Variants in PAFAH2 observed in about 807,000 individuals in gnomAD.
PAFAH2 encodes platelet-activating factor acetylhydrolase 2, cytoplasmic.
PAFAH2 carries 42 observed loss-of-function variants against 49.0 expected under a neutral mutation model. The observed-to-expected ratio is 0.86, with a 90% CI of 0.67 to 1.11. The LOEUF (loss-of-function observed/expected upper bound fraction) is 1.11. PAFAH2 is among the 50% of genes least tolerant of loss of function. PAFAH2 has a pLI of 0.00. For synonymous variants in PAFAH2, 184 were observed against 181.3 expected (o/e 1.01, Z -0.12); for missense variants, 503 against 501.8 (o/e 1.00, Z -0.02).
At chr1:25,982,857 A>ACC (rs976171319) in intron 6 of PAFAH2, among the ~76,000 whole-genome samples, 2 of 151,904 alleles carry the variant, frequency 1.3e-5, no homozygotes, top group African/African-American at 4.8e-5. Context: ...CCAAGCACTT[A>ACC]CCCCCTTTCC....
chr1:25,987,237 A>AAAAATAAAATAAAATAAAAT (rs59896051), intron 4 of PAFAH2, among the ~76,000 whole-genome samples: 5 of 133,826 alleles, frequency 3.7e-5, no homozygotes, highest in African/African-American at 1.1e-4. Flanking sequence ...CTGTCTCAGA[A>AAAAATAAAATAAAATAAAAT]AAAATAAAAT....
intron 7 of PAFAH2, among the ~76,000 whole-genome samples, chr1:25,979,475 C>A (rs2049648686): frequency 6.6e-6 from 1 of 152,036 alleles, no homozygotes. Context: ...GCACATGTCA[C>A]CACGCCCAGC....
At chr1:25,994,649 A>T (rs2049915545) in intron 1 of PAFAH2, among the ~76,000 whole-genome samples, 1 of 152,184 alleles carries the variant, frequency 6.6e-6, no homozygotes, top group African/African-American at 2.4e-5. Flanking sequence ...CCACTGAGTG[A>T]ATCTGGGGAG....
intron 1 of PAFAH2, among the ~76,000 whole-genome samples, chr1:25,996,153 C>T (rs1207703394): frequency 6.6e-6 from 1 of 151,568 alleles, no homozygotes; most frequent in African/African-American, 2.4e-5. Flanking sequence ...CCCAGGAGTT[C>T]AAGACCAGCC....
intron 6 of PAFAH2, among the ~76,000 whole-genome samples, chr1:25,983,059 T>C (rs934139527): frequency 1.3e-5 from 2 of 152,032 alleles, no homozygotes; most frequent in Non-Finnish European, 2.9e-5. Flanking sequence ...TTCTCATAGG[T>C]GACAAGGCTG....
chr1:25,978,304 C>T (rs964041324), intron 7 of PAFAH2, among the ~76,000 whole-genome samples: 1 of 152,196 alleles, frequency 6.6e-6, no homozygotes, highest in Non-Finnish European at 1.5e-5. Flanking sequence ...TTGCCCGCCA[C>T]CTACCTCCAA....
At chr1:25,991,803 G>A (rs1227940242) in intron 1 of PAFAH2, among the ~76,000 whole-genome samples, 1 of 152,048 alleles carries the variant, frequency 6.6e-6, no homozygotes, top group Non-Finnish European at 1.5e-5. Flanking sequence ...TGAGGCAAGA[G>A]AATCGCTTGA....
chr1:25,985,978 A>G (rs1041631301), intron 4 of PAFAH2, among the ~76,000 whole-genome samples: 3 of 152,236 alleles, frequency 2.0e-5, no homozygotes, highest in Non-Finnish European at 4.4e-5. Flanking sequence ...TTCATTCAAT[A>G]AATACTTATG....
chr1:25,964,926 C>G (rs1182593009), intron 10 of PAFAH2, among the ~76,000 whole-genome samples: 1 of 152,086 alleles, frequency 6.6e-6, no homozygotes, highest in Admixed American at 6.5e-5. Flanking sequence ...TCCTCAAATT[C>G]ATATGGAACC....
At position 25,990,826 on chromosome 1, in the gene PAFAH2, G is replaced by A. The variant is rs766615434; in HGVS notation, c.-10C>T. On this transcript the variant is annotated 5_prime_UTR_variant, in exon 2 of 11. Transcript: ENST00000374282. ...ACTGGTTGACCCCCATTTCATCACCGGGTGAATCAAATGACTTGCCGGAGC... is the reference window on the plus strand; with the variant it reads ...ACTGGTTGACCCCCATTTCATCACCAGGTGAATCAAATGACTTGCCGGAGC... 25 of 1,611,498 alleles carry A rather than the reference G, an allele frequency of 1.6e-5. No homozygotes were observed. Among genetic ancestry groups the A allele is most frequent in the South Asian group, 3.3e-5 (3 of 90,930 alleles).
chr1:25,994,758 C>T (rs2049916894), intron 1 of PAFAH2, among the ~76,000 whole-genome samples: 1 of 152,084 alleles, frequency 6.6e-6, no homozygotes, highest in Non-Finnish European at 1.5e-5. Context: ...GCATAGAGAA[C>T]AGCACTTGGG....
chr1:25,987,951 G>T (rs1003934233), intron 4 of PAFAH2, among the ~76,000 whole-genome samples: 2 of 152,042 alleles, frequency 1.3e-5, no homozygotes, highest in Non-Finnish European at 2.9e-5. Flanking sequence ...AGCATTTCTG[G>T]GCTATCACAT....
intron 2 of PAFAH2, among the ~76,000 whole-genome samples, chr1:25,990,241 T>C (rs1264608559): frequency 2.0e-5 from 3 of 152,102 alleles, no homozygotes; most frequent in African/African-American, 4.8e-5. Context: ...GTCTCTACTA[T>C]ATATACATAT....
chr1:25,977,674 T>A (rs1047774391), intron 7 of PAFAH2, among the ~76,000 whole-genome samples: 3 of 140,948 alleles, frequency 2.1e-5, no homozygotes, highest in Admixed American at 7.1e-5. Flanking sequence ...AAAAAAAAAA[T>A]CTATGAAGAA....
intron 4 of PAFAH2, 35 bp downstream of exon 4, chr1:25,988,196 G>GAGT (rs2049812480): frequency 7.3e-7 from 1 of 1,364,624 alleles, no homozygotes; most frequent in East Asian, 2.5e-5. Flanking sequence ...ACCAGGCAAG[G>GAGT]AGTATGGCAA....
At chr1:25,962,129 T>C (rs755258582) in intron 10 of PAFAH2, 46 bp from the exon 11 acceptor site, 1 of 1,509,726 alleles carries the variant, frequency 6.6e-7, no homozygotes, top group Non-Finnish European at 9.2e-7. Flanking sequence ...ATTGTGAGGT[T>C]TGGTCAAAGA....
chr1:25,983,907 G>A (rs768411000), intron 6 of PAFAH2, 39 bp downstream of exon 6: 8 of 1,605,694 alleles, frequency 5.0e-6, no homozygotes, highest in Non-Finnish European at 6.0e-6. Flanking sequence ...GGAGAGAACA[G>A]GCTCATTAAC....
chr1:25,985,344 C>T (rs2049766888), intron 4 of PAFAH2, among the ~76,000 whole-genome samples: 1 of 152,180 alleles, frequency 6.6e-6, no homozygotes, highest in South Asian at 2.1e-4. Flanking sequence ...CATATTCCAA[C>T]TTAGGATAGG....
At chr1:25,994,177 T>C (rs151104473) in intron 1 of PAFAH2, among the ~76,000 whole-genome samples, 6,453 of 148,986 alleles carry the variant, frequency 0.043, 512 homozygotes, top group African/African-American at 0.15. Context: ...GGTCTTGCTC[T>C]GTCTCCCAGG....
Sources: allele counts gnomAD v4.1 joint callset (sites outside exome capture counted in the v4.1 genomes callset), GRCh38; gene constraint gnomAD v4.1.1; transcripts MANE v1.5; gene names NCBI Gene and HGNC (gene_info 2026-07-23, HGNC 2026-07-21).